Variants in ASPM observed in about 807,000 individuals in gnomAD.
ASPM encodes the protein assembly factor for spindle microtubules, also known as abnormal spindle-like microcephaly-associated protein.
Under a neutral mutation model 366.4 loss-of-function variants are expected in ASPM, and 256 were observed. That is an observed-to-expected ratio of 0.70 (90% CI 0.63 to 0.77). The LOEUF is 0.77. Ranked by LOEUF, ASPM falls within the 30% of genes least tolerant of loss-of-function variation. The pLI is 0.00. For missense variants in ASPM, 4,146 were observed against 4,090.4 expected, an observed-to-expected ratio of 1.01 and a Z score of -0.37; for synonymous variants, 1,414 against 1,342.9, an observed-to-expected ratio of 1.05 and a Z score of -1.16.
chr1:197,138,036 A>G (rs981383908), intron 4 of ASPM, among the ~76,000 whole-genome samples: 3 of 152,190 alleles, frequency 2.0e-5, no homozygotes, highest in African/African-American at 7.2e-5. Context: ...TTAGATTTGT[A>G]TAACATAATA....
intron 20 of ASPM, 138 bp from the exon 21 acceptor site, chr1:197,093,399 A>AAC: frequency 1.3e-6 from 1 of 795,236 alleles, no homozygotes; most frequent in Non-Finnish European, 2.1e-6. Context: ...ATAGATATGA[A>AAC]ATGATGATGA....
intron 3 of ASPM, among the ~76,000 whole-genome samples, 153 bp downstream of exon 3, chr1:197,142,178 T>C (rs1445225324): frequency 6.6e-6 from 1 of 152,128 alleles, no homozygotes; most frequent in Non-Finnish European, 1.5e-5. Flanking sequence ...AGATACAAGA[T>C]GTCACATAAG....
intron 16 of ASPM, among the ~76,000 whole-genome samples, chr1:197,119,950 G>T (rs1443632935): frequency 1.3e-5 from 2 of 152,078 alleles, no homozygotes; most frequent in African/African-American, 2.4e-5. Flanking sequence ...TTAGTAGCTT[G>T]CAATAACATA....
At chr1:197,145,867 TA>T (rs1658760011) in intron 1 of ASPM, among the ~76,000 whole-genome samples, 1 of 143,880 alleles carries the variant, frequency 7.0e-6, no homozygotes, top group East Asian at 2.1e-4. Flanking sequence ...TATATATATA[TA>T]ATATTGACAC....
intron 23 of ASPM, 63 bp downstream of exon 23, chr1:197,090,787 A>T: frequency 7.0e-7 from 1 of 1,435,914 alleles, no homozygotes; most frequent in Non-Finnish European, 9.8e-7. Context: ...TTATAGTGTT[A>T]GATATCATGT....
Position 197,093,011 on chromosome 1 carries a change from T to G in ASPM, c.9294+41A>C, listed in dbSNP as rs753507869. ...TAACACTATTTAACATCAAGTGCTT[T>G]CATTTTATAAGAATGAGATATGCTA... On this transcript the variant is annotated intron_variant, in intron 21 of 27. Transcript: ENST00000367409. 2.0e-6 allele frequency: 3 copies of G among 1,523,774 alleles called. No individual in the cohort carries two copies. The South Asian group carries it at 3.4e-5, about 17-fold the overall frequency. 94.4% of individuals were successfully genotyped at this position (1,523,774 alleles called of 1,614,324 possible).
intron 16 of ASPM, among the ~76,000 whole-genome samples, chr1:197,121,283 A>C (rs2125103834): frequency 6.6e-6 from 1 of 152,252 alleles, no homozygotes; most frequent in Admixed American, 6.5e-5. Context: ...CTTAAGAAAA[A>C]AATTTTTTAC....
At position 197,103,657 on chromosome 1, in the gene ASPM, T is replaced by G; in HGVS notation, c.5594A>C (p.His1865Pro). The G allele has an allele frequency of 6.2e-7, 1 of 1,612,956 alleles. No homozygotes were observed. Among genetic ancestry groups the G allele is most frequent in the Non-Finnish European group, 8.5e-7 (1 of 1,179,398 alleles). Residue 1865 changes from histidine (H) to proline (P), a missense_variant, in exon 18 of 28, where the codon CAT becomes CCT. By Grantham distance (77) the His-to-Pro change is moderately conservative. Coordinates refer to ENST00000367409, the MANE Select transcript of ASPM (RefSeq NM_018136.5). ...CTTCAAAAAATGTGTTCTTGTATCA[T>G]GAAGAGTCTTGTACGCCCTGTACCA... ...QRWYRAYKTL[H>P]DTRTHFLKTK... is the part of the protein sequence containing the mutation.
Position 197,129,993 on chromosome 1 carries a change from T to C in ASPM, c.2551A>G (p.Ile851Val). 2 of 1,613,980 alleles carry C rather than the reference T, an allele frequency of 1.2e-6. No individual in the cohort carries two copies. The highest frequency in any genetic ancestry group is 1.7e-6 in the Non-Finnish European group (2 of 1,179,908). ...GGATTCCAAAGTAGGCGATTCAGAA[T>C]AAACATAGCCAACCCTGTGACATCA... is the stretch of plus-strand genomic sequence containing the variant. ...NSDVTGLAMF[I>V]LNRLLWNPDI... Residue 851 changes from isoleucine to valine, a missense_variant, in exon 8 of 28, where the codon ATT (isoleucine) becomes GTT (valine). Ile to Val is a conservative substitution (Grantham distance 29). Coordinates refer to ENST00000367409, the MANE Select transcript of ASPM (RefSeq NM_018136.5).
chr1:197,095,993 A>T lies in ASPM; in HGVS notation c.8987+5T>A, dbSNP rs747636702. 1 of 1,602,938 alleles carries T rather than the reference A, an allele frequency of 6.2e-7. No individual in the cohort carries two copies. Among genetic ancestry groups the T allele is most frequent in the Non-Finnish European group, 8.5e-7 (1 of 1,171,374 alleles). Reference sequence around the variant, plus strand: ...TACACTCTCCACAGAACTATGATACATTACCGTGTTCTCTCTAGTTTGGTA... The same window carrying T: ...TACACTCTCCACAGAACTATGATACTTTACCGTGTTCTCTCTAGTTTGGTA... On this transcript the variant is annotated splice_donor_5th_base_variant and intron_variant, in intron 19 of 27. Coordinates refer to ENST00000367409, the MANE Select transcript of ASPM (RefSeq NM_018136.5).
In ASPM at chr1:197,134,982, G is replaced by A. The variant is rs546607105; in HGVS notation, c.2173+114C>T. On this transcript the variant is annotated intron_variant, in intron 5 of 27. Coordinates refer to ENST00000367409, the MANE Select transcript of ASPM (RefSeq NM_018136.5). ...ATACAAGCATTTAGGCTAATGAACA[G>A]GGAATTATGCCATTAATTATAATAA... is the stretch of plus-strand genomic sequence containing the variant. The A allele has an allele frequency of 4.6e-4, 402 of 878,756 alleles. 3 individuals carry two copies. The Middle Eastern group carries it at 5.5e-3, about 12-fold the overall frequency. 54.4% of individuals were successfully genotyped at this position (878,756 alleles called of 1,614,324 possible). A position where few individuals can be genotyped will look rare whatever the true frequency, so the allele number is the denominator to read the frequency against.
chr1:197,140,958 G>T (rs960394600), intron 3 of ASPM, among the ~76,000 whole-genome samples: 1 of 152,128 alleles, frequency 6.6e-6, no homozygotes, highest in Non-Finnish European at 1.5e-5. Context: ...ATGCCAGGTG[G>T]CTATCAAAGA....
In ASPM at chr1:197,112,599, G is replaced by A. The variant is rs577036690; in HGVS notation, c.4065+5190C>T. 2.0e-5 allele frequency among the ~76,000 whole-genome samples: 3 copies of A among 152,178 alleles called. No individual in the cohort carries two copies. The South Asian group carries it at 6.2e-4, about 32-fold the overall frequency. ...ATTCAGCTACCCCTGTGCTCACTGA[G>A]GTAAATGCATATCTGATGCCTCCTT... On this transcript the variant is annotated intron_variant, in intron 17 of 27. Coordinates refer to ENST00000367409, the MANE Select transcript of ASPM (RefSeq NM_018136.5).
Position 197,103,164 on chromosome 1 carries a change from T to C in ASPM, c.6087A>G (p.Ser2029=), listed in dbSNP as rs1657257864. 3 of 1,612,776 alleles carry C rather than the reference T, an allele frequency of 1.9e-6. No individual in the cohort carries two copies. The highest frequency in any genetic ancestry group is 2.5e-6 in the Non-Finnish European group (3 of 1,179,346). Residue 2029 remains serine (S), a synonymous_variant, in exon 18 of 28, where the codon TCA becomes TCG. Coordinates refer to ENST00000367409, the MANE Select transcript of ASPM (RefSeq NM_018136.5). ...TTCTCACTTTCATACCACGATAAGC[T>C]GACTGTAAAGTTACTACAGCTGCTT... ...KTKAAVVTLQ[S]AYRGMKVRKR...
chr1:197,112,315 A>T (rs1338328385), intron 17 of ASPM, among the ~76,000 whole-genome samples: 1 of 152,116 alleles, frequency 6.6e-6, no homozygotes, highest in East Asian at 1.9e-4. Flanking sequence ...TGATGAGAAA[A>T]CATGGACACA....
At chr1:197,090,409 T>A (rs1419744869) in intron 23 of ASPM, 21 bp from the exon 24 acceptor site, 1 of 1,553,130 alleles carries the variant, frequency 6.4e-7, no homozygotes. Flanking sequence ...TAAAACAGAG[T>A]AATTTTAAGA....
rs1656762173 is a variant in ASPM, at chr1:197,090,924, T to C, written c.9562A>G (p.Ile3188Val). The C allele has an allele frequency of 1.9e-6, 3 of 1,613,524 alleles. No individual in the cohort carries two copies. Among genetic ancestry groups the C allele is most frequent in the Non-Finnish European group, 2.5e-6 (3 of 1,179,654 alleles). ...AGAAAATGGCGCACTGCTTTCTGTA[T>C]TACTGATGCAGCCCTATTTCGCTGG... ...LSQRNRAASV[I>V]QKAVRHFLLR... The change falls in exon 23 of 28, where the codon ATA (isoleucine) becomes GTA (valine). Residue 3188 changes from isoleucine (I) to valine (V), a missense_variant. By Grantham distance (29) the Ile-to-Val change is conservative. Coordinates refer to ENST00000367409, the MANE Select transcript of ASPM (RefSeq NM_018136.5).
At chr1:197,098,479 A>T (rs559542439) in intron 18 of ASPM, among the ~76,000 whole-genome samples, 52 of 151,826 alleles carry the variant, frequency 3.4e-4, no homozygotes, top group South Asian at 2.9e-3. Flanking sequence ...AGAGAAAAAA[A>T]TTTTTATAAG....
chr1:197,123,368 G>A (rs780192621), intron 13 of ASPM, among the ~76,000 whole-genome samples: 1 of 152,034 alleles, frequency 6.6e-6, no homozygotes, highest in Non-Finnish European at 1.5e-5. Flanking sequence ...ATTCACACAC[G>A]TCAATAAATG....
Sources: gnomAD v4.1 joint callset for allele counts (sites outside exome capture counted in the v4.1 genomes callset) on GRCh38, gnomAD v4.1.1 for gene constraint, MANE v1.5 for transcripts, NCBI Gene and HGNC (gene_info 2026-07-23, HGNC 2026-07-21) for gene names.